SMYD4: variants seen among roughly 807,000 people sequenced by gnomAD.
SMYD4 encodes the protein protein-lysine N-methyltransferase SMYD4.
A neutral mutation model predicts 72.8 loss-of-function variants in SMYD4; 68 were observed. The ratio of observed to expected loss-of-function variants is 0.93; its 90% CI spans 0.77 to 1.14. The LOEUF is 1.14. Among genes scored for constraint, SMYD4 ranks in the 50% most tolerant of loss-of-function variants. The pLI, the probability that SMYD4 is intolerant of heterozygous loss-of-function variation, is 0.00. For missense variants in SMYD4, 984 were observed against 1,003.7 expected (o/e 0.98, Z 0.27); for synonymous variants, 407 against 388.6 (o/e 1.05, Z -0.56).
intron 4 of SMYD4, among the ~76,000 whole-genome samples, chr17:1,801,694 T>C (rs1389177900): frequency 3.4e-5 from 5 of 146,324 alleles, no homozygotes; most frequent in Admixed American, 1.4e-4. Context: ...TACACTCTGC[T>C]GGCCGGGTGC....
At chr17:1,804,382 G>A (rs980968820) in intron 4 of SMYD4, 11 of 371,898 alleles carry the variant, frequency 3.0e-5, no homozygotes, top group Middle Eastern at 8.7e-4. Flanking sequence ...CCACTGTGTC[G>A]GCCACGCTGG....
intron 5 of SMYD4, among the ~76,000 whole-genome samples, chr17:1,788,517 G>C (rs1023338492): frequency 2.0e-5 from 3 of 151,920 alleles, no homozygotes; most frequent in African/African-American, 7.3e-5. Flanking sequence ...AGGCCGAGGC[G>C]GGCAGATCAC....
At chr17:1,811,681 C>CT in intron 3 of SMYD4, among the ~76,000 whole-genome samples, 1 of 152,154 alleles carries the variant, frequency 6.6e-6, no homozygotes, top group Non-Finnish European at 1.5e-5. Flanking sequence ...AATCCCAGCA[C>CT]TTTGGGAGGC....
intron 8 of SMYD4, 76 bp downstream of exon 8, chr17:1,784,250 A>C: frequency 1.3e-6 from 2 of 1,597,172 alleles, no homozygotes; most frequent in Non-Finnish European, 1.7e-6. Context: ...AGTACTGAGT[A>C]TCCCTGAGTC....
intron 4 of SMYD4, among the ~76,000 whole-genome samples, chr17:1,802,636 C>T (rs1299540206): frequency 6.6e-6 from 1 of 152,190 alleles, no homozygotes; most frequent in Admixed American, 6.5e-5. Flanking sequence ...GGTTAGATTC[C>T]TGCTTTTCTC....
At chr17:1,823,804 C>A (rs1021547352) in intron 2 of SMYD4, among the ~76,000 whole-genome samples, 2 of 152,138 alleles carry the variant, frequency 1.3e-5, no homozygotes, top group African/African-American at 4.8e-5. Flanking sequence ...ACAGCCTCTT[C>A]CCCTGGGGTG....
intron 5 of SMYD4, among the ~76,000 whole-genome samples, chr17:1,790,825 A>C (rs1185755010): frequency 4.0e-5 from 6 of 151,694 alleles, no homozygotes; most frequent in African/African-American, 1.5e-4. Context: ...ACTGGGATTC[A>C]AGTAAAGAAA....
intron 7 of SMYD4, among the ~76,000 whole-genome samples, chr17:1,785,768 A>AAAAAAAAAAAAAAAAAAAAAAG (rs1555574281): frequency 6.7e-5 from 1 of 14,866 alleles, no homozygotes; most frequent in African/African-American, 2.1e-4. Flanking sequence ...CATCTCAAAA[A>AAAAAAAAAAAAAAAAAAAAAAG]AAAAAAAGAA....
In SMYD4 at chr17:1,827,904, C is replaced by G. The variant is rs765548697; in HGVS notation, c.91G>C (p.Glu31Gln). The change falls in exon 2 of 11, where the codon GAG (glutamate) becomes CAG (glutamine). Residue 31 changes from glutamate (E) to glutamine (Q), a missense_variant. Transcript: ENST00000305513. ...TGAAGAAAGATATCCCTCAAGGTCT[C>G]TGCTGTAGAAATTGTGACCTGAACA... ...TSVQVTISTA[E>Q]TLRDIFLHSS... The G allele has an allele frequency of 6.2e-7, 1 of 1,613,174 alleles. No homozygotes were observed. The highest frequency in any genetic ancestry group is 2.2e-5 in the East Asian group (1 of 44,850).
In SMYD4 at chr17:1,793,092, AT is replaced by A. The variant is rs576987391; in HGVS notation, c.1538-5489del. Among the ~76,000 whole-genome samples, 433 of 151,876 alleles carry A rather than the reference AT, an allele frequency of 2.9e-3. 1 individual carries two copies. Among genetic ancestry groups the A allele is most frequent in the Admixed American group, 5.6e-3 (86 of 15,226 alleles). ...ACCACCACACTCAGCTAATTTTTGT[AT>A]TTTTGTAGACACAGAGTTTAGCCAT... is the stretch of plus-strand genomic sequence containing the variant. On this transcript the variant is annotated intron_variant, in intron 5 of 10. Transcript: ENST00000305513.
At chr17:1,802,210 T>C (rs1909802901) in intron 4 of SMYD4, among the ~76,000 whole-genome samples, 1 of 152,004 alleles carries the variant, frequency 6.6e-6, no homozygotes, top group South Asian at 2.1e-4. Context: ...AAGGAAAACA[T>C]TTGGGCATGG....
At chr17:1,808,675 A>G (rs1350995173) in intron 3 of SMYD4, among the ~76,000 whole-genome samples, 3 of 152,202 alleles carry the variant, frequency 2.0e-5, no homozygotes. Flanking sequence ...CCACATTCAG[A>G]GCAAACCTTA....
intron 3 of SMYD4, among the ~76,000 whole-genome samples, chr17:1,805,181 C>A (rs184506208): frequency 6.0e-4 from 91 of 152,078 alleles, no homozygotes; most frequent in African/African-American, 2.0e-3. Context: ...CTTTGGGAGG[C>A]TGAGGCATGT....
chr17:1,811,895 C>G, intron 3 of SMYD4, 76 bp downstream of exon 3: 1 of 1,533,694 alleles, frequency 6.5e-7, no homozygotes, highest in Non-Finnish European at 8.9e-7. Context: ...CCACTGTACT[C>G]CAGCCTGGGT....
intron 5 of SMYD4, among the ~76,000 whole-genome samples, chr17:1,793,903 C>T (rs552897496): frequency 6.0e-5 from 9 of 149,134 alleles, no homozygotes; most frequent in South Asian, 4.2e-4. Context: ...TCACTGCAAC[C>T]TCCACCTCCC....
chr17:1,800,765 G>T lies in SMYD4; in HGVS notation c.629C>A (p.Ala210Glu), dbSNP rs1421125636. 2 of 1,614,230 alleles carry T rather than the reference G, an allele frequency of 1.2e-6. No individual in the cohort carries two copies. The highest frequency in any genetic ancestry group is 3.3e-5 in the Admixed American group (2 of 60,010). The change falls in exon 5 of 11, where the codon GCA (alanine) becomes GAA (glutamate). Residue 210 changes from alanine (A) to glutamate (E), a missense_variant. Transcript: ENST00000305513. ...ATCCTCAAGGGTTTTGGCCAGAGCT[G>T]CTGGGAAGCTTTCTGTGAGACTGTC... is the stretch of plus-strand genomic sequence containing the variant. Reference protein sequence around the residue: ...EKDSLTESFPAALAKTLEDAA... With the variant: ...EKDSLTESFPEALAKTLEDAA...
intron 3 of SMYD4, among the ~76,000 whole-genome samples, chr17:1,807,342 T>C (rs948561431): frequency 7.2e-5 from 11 of 151,956 alleles, no homozygotes; most frequent in African/African-American, 1.7e-4. Context: ...TTTTTTTTTT[T>C]GAGACAGAGT....
chr17:1,786,974 C>G lies in SMYD4; in HGVS notation c.1721-1G>C. ...ACCCCCATCCGGCTCTTGTGAGGCCCTGGAGGGAGATCACCGTCAGCCAAT... is the reference window on the plus strand; with the variant it reads ...ACCCCCATCCGGCTCTTGTGAGGCCGTGGAGGGAGATCACCGTCAGCCAAT... On this transcript the variant is annotated splice_acceptor_variant, in intron 6 of 10. Transcript: ENST00000305513. LOFTEE classifies it high-confidence loss of function. 6.2e-7 allele frequency: 1 copy of G among 1,612,258 alleles called. No individual in the cohort carries two copies. The highest frequency in any genetic ancestry group is 8.5e-7 in the Non-Finnish European group (1 of 1,179,706).
chr17:1,818,581 C>A (rs1445099932), intron 2 of SMYD4, among the ~76,000 whole-genome samples: 1 of 152,074 alleles, frequency 6.6e-6, no homozygotes, highest in Non-Finnish European at 1.5e-5. Flanking sequence ...CTAACCAATC[C>A]AAGATCAACG....
Sources: allele counts gnomAD v4.1 joint callset (sites outside exome capture counted in the v4.1 genomes callset), GRCh38; gene constraint gnomAD v4.1.1; transcripts MANE v1.5; gene names NCBI Gene and HGNC (gene_info 2026-07-23, HGNC 2026-07-21).